Variants in CEACAM20 observed in about 807,000 individuals in gnomAD.
CEACAM20 encodes the protein CEA cell adhesion molecule 20, also known as cell adhesion molecule CEACAM20.
Under a neutral mutation model 61.2 loss-of-function variants are expected in CEACAM20, and 50 were observed. That is an observed-to-expected ratio of 0.82 (90% confidence interval 0.65 to 1.03). The LOEUF is 1.03. Ranked by LOEUF, CEACAM20 falls within the 50% of genes least tolerant of loss-of-function variation. CEACAM20 has a pLI of 0.00. For missense variants in CEACAM20, 683 were observed against 736.4 expected (o/e 0.93, Z 0.84); for synonymous variants, 282 against 287.7 (o/e 0.98, Z 0.20).
At position 44,512,212 on chromosome 19, in the gene CEACAM20, G is replaced by A. The variant is rs546634447; in HGVS notation, c.1514-134C>T. 54 of 709,542 alleles carry A rather than the reference G, an allele frequency of 7.6e-5. 2 individuals carry two copies. In the South Asian group the frequency reaches 8.4e-4, roughly 11 times the overall value. The allele number at this position is 709,542 out of a possible 1,614,324, so 44.0% of individuals were successfully genotyped here. On this transcript the variant is annotated intron_variant, in intron 8 of 11. Coordinates refer to ENST00000614924, the MANE Select transcript of CEACAM20 (RefSeq NM_001102597.3). Reference sequence around the variant, plus strand: ...CAGGACTCCCTGTCATATTTCCAGTGAGCTTGACCAGGAATGTCCTGGCAA... The same window carrying A: ...CAGGACTCCCTGTCATATTTCCAGTAAGCTTGACCAGGAATGTCCTGGCAA...
Position 44,513,199 on chromosome 19 carries a change from T to A in CEACAM20, c.1400A>T (p.Tyr467Phe). 1 of 1,613,350 alleles carries A rather than the reference T, an allele frequency of 6.2e-7. No individual in the cohort carries two copies. The highest frequency in any genetic ancestry group is 8.5e-7 in the Non-Finnish European group (1 of 1,179,588). Residue 467 changes from tyrosine (Y) to phenylalanine (F), a missense_variant, in exon 7 of 12, where the codon TAT (tyrosine) becomes TTT (phenylalanine). By Grantham distance (22) the Tyr-to-Phe change is conservative. Coordinates refer to ENST00000614924, the MANE Select transcript of CEACAM20 (RefSeq NM_001102597.3). ...TCTGGCATTTCTGATGCAGAGAAAATAGCCCAGTTCTGAGGCCACAGCAAT... is the reference window on the plus strand; with the variant it reads ...TCTGGCATTTCTGATGCAGAGAAAAAAGCCCAGTTCTGAGGCCACAGCAAT... ...AVIAVASELG[Y>F]FLCIRNARRP...
intron 9 of CEACAM20, 76 bp from the exon 10 acceptor site, chr19:44,511,748 T>C (rs1332576859): frequency 6.7e-7 from 1 of 1,483,844 alleles, no homozygotes; most frequent in African/African-American, 1.4e-5. Flanking sequence ...CAGAAATAGC[T>C]TTGGCCTCAG....
chr19:44,513,789 T>G (rs1971079440), intron 6 of CEACAM20, among the ~76,000 whole-genome samples: 1 of 152,200 alleles, frequency 6.6e-6, no homozygotes. Context: ...ACATCCAGTT[T>G]CTGCGTCCAA....
chr19:44,515,720 T>C (rs1971135039), intron 6 of CEACAM20, among the ~76,000 whole-genome samples: 1 of 152,080 alleles, frequency 6.6e-6, no homozygotes, highest in East Asian at 1.9e-4. Flanking sequence ...TCTCAGCACG[T>C]TGGGAGGCTG....
At position 44,520,842 on chromosome 19, in the gene CEACAM20, G is replaced by A. The variant is rs1365646331; in HGVS notation, c.752-90C>T. On this transcript the variant is annotated intron_variant, in intron 4 of 11. Transcript: ENST00000614924. The stretch of plus-strand genomic sequence containing the variant: ...GGCCCACAAGTTTTTCCAGGAGTGC[G>A]TGCGTGTGTGTGTGTGTGTGTGTGT... 5.7e-5 allele frequency: 64 copies of A among 1,113,996 alleles called. 1 individual carries two copies. The South Asian group carries it at 6.4e-4, about 11-fold the overall frequency. The allele number at this position is 1,113,996 out of a possible 1,614,324, so 69.0% of individuals were successfully genotyped here. A position where few individuals can be genotyped will look rare whatever the true frequency, so the allele number is the denominator to read the frequency against.
chr19:44,529,159 T>G (rs1210778464), intron 1 of CEACAM20, among the ~76,000 whole-genome samples: 1 of 151,336 alleles, frequency 6.6e-6, no homozygotes, highest in Non-Finnish European at 1.5e-5. Flanking sequence ...GAGACGGGGG[T>G]TTGCCATGCT....
Position 44,511,604 on chromosome 19 carries a change from A to T in CEACAM20, c.1611+33T>A, listed in dbSNP as rs748761340. 9.4e-6 allele frequency: 15 copies of T among 1,603,162 alleles called. No individual in the cohort carries two copies. The South Asian group carries it at 1.7e-4, about 18-fold the overall frequency. ...TTTTCAGATTGTCTTTCCTTCATAG[A>T]TTCTTTAACCAAACCCAGCAGGGCC... On this transcript the variant is annotated intron_variant, in intron 10 of 11. Coordinates refer to ENST00000614924, the MANE Select transcript of CEACAM20 (RefSeq NM_001102597.3).
intron 11 of CEACAM20, among the ~76,000 whole-genome samples, chr19:44,510,166 G>A (rs1171633265): frequency 6.6e-6 from 1 of 152,160 alleles, no homozygotes; most frequent in Middle Eastern, 3.4e-3. Flanking sequence ...ATAAGAAAGA[G>A]ATGGAAAGGA....
intron 2 of CEACAM20, 61 bp downstream of exon 2, chr19:44,525,040 C>T (rs1415970506): frequency 3.8e-6 from 6 of 1,586,848 alleles, no homozygotes; most frequent in Admixed American, 1.8e-5. Context: ...GCGTGAGGTT[C>T]GGATGAGGGA....
intron 6 of CEACAM20, among the ~76,000 whole-genome samples, chr19:44,516,483 T>C (rs189261007): frequency 3.9e-5 from 6 of 152,324 alleles, no homozygotes; most frequent in East Asian, 3.9e-4. Flanking sequence ...CGAGATCTGA[T>C]GGTTTTATAA....
intron 2 of CEACAM20, 68 bp downstream of exon 2, chr19:44,525,033 T>G: frequency 6.3e-7 from 1 of 1,577,260 alleles, no homozygotes; most frequent in Non-Finnish European, 8.6e-7. Context: ...ACTTTGGGCG[T>G]GAGGTTCGGA....
At chr19:44,511,894 G>T (rs1018916535) in intron 9 of CEACAM20, 123 bp downstream of exon 9, 4 of 997,250 alleles carry the variant, frequency 4.0e-6, no homozygotes, top group African/African-American at 1.6e-5. Context: ...AGGAGGAGAT[G>T]CAGAGAGACT....
Position 44,520,764 on chromosome 19 carries a change from T to A in CEACAM20, c.752-12A>T, listed in dbSNP as rs1971337874. 6.2e-7 allele frequency: 1 copy of A among 1,609,096 alleles called. No homozygotes were observed. Among genetic ancestry groups the A allele is most frequent in the Non-Finnish European group, 8.5e-7 (1 of 1,177,738 alleles). On this transcript the variant is annotated splice_polypyrimidine_tract_variant and intron_variant, in intron 4 of 11. Coordinates refer to ENST00000614924, the MANE Select transcript of CEACAM20 (RefSeq NM_001102597.3). ...CATGGTCAGTGTTTCTGGAAACACG[T>A]GGAGATACACAGTCAGGTTCAGGGA...
rs1291442392 is a variant in CEACAM20, at chr19:44,518,275, TG to T, written c.1031-1052del. ...GGAAGGAAGGAAAGGAGGGAAATTG[TG>T]GCTGCGTCCTGTGTATATAATCCCT... On this transcript the variant is annotated intron_variant, in intron 5 of 11. Coordinates refer to ENST00000614924, the MANE Select transcript of CEACAM20 (RefSeq NM_001102597.3). 3.9e-5 allele frequency among the ~76,000 whole-genome samples: 6 copies of T among 151,938 alleles called. No homozygotes were observed. The East Asian group carries it at 1.2e-3, about 29-fold the overall frequency.
At chr19:44,515,091 A>T (rs919194390) in intron 6 of CEACAM20, among the ~76,000 whole-genome samples, 1 of 151,988 alleles carries the variant, frequency 6.6e-6, no homozygotes, top group Admixed American at 6.6e-5. Context: ...ACCTGCCTCA[A>T]CCTCCCAAAG....
At chr19:44,527,102 A>C (rs968042154) in intron 1 of CEACAM20, among the ~76,000 whole-genome samples, 1 of 152,312 alleles carries the variant, frequency 6.6e-6, no homozygotes, top group Non-Finnish European at 1.5e-5. Context: ...GTCACTTACT[A>C]GCCCTACTAT....
At chr19:44,512,557 A>G (rs866685350) in intron 8 of CEACAM20, among the ~76,000 whole-genome samples, 4 of 152,230 alleles carry the variant, frequency 2.6e-5, no homozygotes, top group African/African-American at 9.6e-5. Context: ...ATTTGGATTC[A>G]GCAGGAAGGA....
intron 5 of CEACAM20, among the ~76,000 whole-genome samples, chr19:44,518,453 T>A (rs1971259788): frequency 6.6e-6 from 1 of 151,830 alleles, no homozygotes. Flanking sequence ...ATTAAAAGAG[T>A]TTAGGCCTGG....
chr19:44,518,117 AG>A (rs1971236598), intron 5 of CEACAM20, among the ~76,000 whole-genome samples: 3 of 68,292 alleles, frequency 4.4e-5, no homozygotes, highest in African/African-American at 1.9e-4. Context: ...GAAGGAAGGA[AG>A]GAAGGAAGGA....
Sources: allele counts gnomAD v4.1 joint callset (sites outside exome capture counted in the v4.1 genomes callset), GRCh38; gene constraint gnomAD v4.1.1; transcripts MANE v1.5; gene names NCBI Gene and HGNC (gene_info 2026-07-23, HGNC 2026-07-21).